The following TMPRSS15 variants were observed in gnomAD, a reference collection of about 807,000 sequenced individuals.
TMPRSS15 encodes transmembrane serine protease 15.
Under a neutral mutation model 125.3 loss-of-function variants are expected in TMPRSS15, and 128 were observed. The ratio of observed to expected loss-of-function variants is 1.02; its 90% CI spans 0.89 to 1.18. The LOEUF (loss-of-function observed/expected upper bound fraction) is 1.18, where lower values mean the gene tolerates loss of function less well. Ranked by LOEUF, TMPRSS15 falls within the 50% of genes most tolerant of loss-of-function variation. The pLI, the probability that TMPRSS15 is intolerant of heterozygous loss-of-function variation, is 0.00. For missense variants in TMPRSS15, 1,283 were observed against 1,212.7 expected (o/e 1.06, Z -0.86); for synonymous variants, 446 against 423.2 (o/e 1.05, Z -0.66).
chr21:18,447,425 G>C (rs2076257960), intron 1 of TMPRSS15, among the ~76,000 whole-genome samples: 1 of 97,620 alleles, frequency 1.0e-5, no homozygotes, highest in Non-Finnish European at 1.9e-5. Context: ...GGGCGACAGA[G>C]TAAGACTTCA....
intron 18 of TMPRSS15, among the ~76,000 whole-genome samples, chr21:18,303,072 G>T (rs1209424288): frequency 6.6e-6 from 1 of 152,048 alleles, no homozygotes; most frequent in African/African-American, 2.4e-5. Context: ...GGAACTGTTA[G>T]CATTTATCTT....
chr21:18,419,928 T>C (rs1339412562), intron 1 of TMPRSS15, among the ~76,000 whole-genome samples: 2 of 152,162 alleles, frequency 1.3e-5, no homozygotes, highest in East Asian at 3.9e-4. Flanking sequence ...TGAAGATATG[T>C]GAAGGAGAGT....
intron 10 of TMPRSS15, among the ~76,000 whole-genome samples, chr21:18,352,319 A>G (rs2075578088): frequency 6.6e-6 from 1 of 152,056 alleles, no homozygotes; most frequent in Non-Finnish European, 1.5e-5. Context: ...AGAAATCACA[A>G]CCTTGCCCTA....
chr21:18,377,330 G>GT (rs1043250992), intron 5 of TMPRSS15, among the ~76,000 whole-genome samples: 5 of 151,982 alleles, frequency 3.3e-5, no homozygotes, highest in Admixed American at 2.0e-4. Context: ...TAAATTTAGG[G>GT]TTTTTTATGA....
intron 1 of TMPRSS15, among the ~76,000 whole-genome samples, chr21:18,464,173 A>C (rs1978608764): frequency 9.6e-6 from 1 of 103,670 alleles, no homozygotes; most frequent in African/African-American, 7.3e-5. Context: ...ACTCCGTCTC[A>C]AAAAAAAAAA....
At chr21:18,414,498 C>T (rs927209505) in intron 1 of TMPRSS15, among the ~76,000 whole-genome samples, 7 of 152,150 alleles carry the variant, frequency 4.6e-5, no homozygotes, top group South Asian at 2.1e-4. Context: ...TTATACATAT[C>T]GAATTCTTCA....
Position 18,278,974 on chromosome 21 carries a change from A to T in TMPRSS15, c.2754T>A (p.Val918=). 6.5e-7 allele frequency: 1 copy of T among 1,531,332 alleles called. No individual in the cohort carries two copies. Among genetic ancestry groups the T allele is most frequent in the Non-Finnish European group, 8.9e-7 (1 of 1,119,464 alleles). The allele number at this position is 1,531,332 out of a possible 1,614,324, so 94.9% of individuals were successfully genotyped here. ...RNCSIAGWGT[V]VYQGTTANIL... is the part of the protein sequence containing the mutation. ...AGTCTGATAATTTACCTTGATATACAACCGTCCCCCAACCAGCAATAGAAC... is the reference window on the plus strand; with the variant it reads ...AGTCTGATAATTTACCTTGATATACTACCGTCCCCCAACCAGCAATAGAAC... The change falls in exon 23 of 25, where the codon GTT becomes GTA. Residue 918 remains valine, a synonymous_variant. Transcript: ENST00000284885.
At chr21:18,430,256 G>T (rs1384758103) in intron 1 of TMPRSS15, among the ~76,000 whole-genome samples, 1 of 152,128 alleles carries the variant, frequency 6.6e-6, no homozygotes, top group African/African-American at 2.4e-5. Flanking sequence ...CTTGAAGAAG[G>T]TTATATAGCA....
chr21:18,330,983 G>A (rs1435141317), intron 14 of TMPRSS15, among the ~76,000 whole-genome samples: 1 of 149,124 alleles, frequency 6.7e-6, no homozygotes, highest in East Asian at 2.0e-4. Flanking sequence ...CAAGGCAGGA[G>A]AATGGCGTGA....
intron 11 of TMPRSS15, 52 bp downstream of exon 11, chr21:18,343,903 G>T: frequency 1.3e-6 from 2 of 1,514,992 alleles, no homozygotes; most frequent in South Asian, 1.1e-5. Context: ...CCTGAGCAAG[G>T]CAATGTTACC....
At chr21:18,446,671 G>A (rs765658063) in intron 1 of TMPRSS15, among the ~76,000 whole-genome samples, 10 of 152,078 alleles carry the variant, frequency 6.6e-5, no homozygotes, top group Admixed American at 1.3e-4. Context: ...CAACAGGCAC[G>A]GAAAACACAC....
chr21:18,400,791 C>A (rs1366917271), intron 1 of TMPRSS15, among the ~76,000 whole-genome samples: 2 of 152,090 alleles, frequency 1.3e-5, no homozygotes, highest in Admixed American at 1.3e-4. Flanking sequence ...AGTCAACATA[C>A]AACCTATGGA....
At chr21:18,270,272 A>C in intron 24 of TMPRSS15, 148 bp from the exon 25 acceptor site, 1 of 627,868 alleles carries the variant, frequency 1.6e-6, no homozygotes, top group Non-Finnish European at 2.5e-6. Flanking sequence ...TCTCACTTTC[A>C]CTCTAAGTCA....
intron 1 of TMPRSS15, among the ~76,000 whole-genome samples, chr21:18,443,825 T>C (rs1013277395): frequency 2.6e-5 from 4 of 152,228 alleles, no homozygotes; most frequent in Non-Finnish European, 5.9e-5. Flanking sequence ...CAATGCTTTC[T>C]AGAGCTTCCA....
intron 6 of TMPRSS15, among the ~76,000 whole-genome samples, chr21:18,371,575 T>C (rs1019538762): frequency 4.6e-5 from 7 of 152,174 alleles, no homozygotes; most frequent in African/African-American, 1.7e-4. Context: ...ATAATGTTAT[T>C]GTCATTAACA....
chr21:18,419,220 C>CT (rs540004490), intron 1 of TMPRSS15, among the ~76,000 whole-genome samples: 11,172 of 108,532 alleles, frequency 0.1, 848 homozygotes, highest in East Asian at 0.27. Flanking sequence ...GACATTTCCT[C>CT]TTTTTTTTTT....
intron 21 of TMPRSS15, among the ~76,000 whole-genome samples, chr21:18,293,525 T>C (rs1057317319): frequency 4.6e-5 from 7 of 152,124 alleles, no homozygotes; most frequent in African/African-American, 9.7e-5. Context: ...TTCAGAACCA[T>C]GTGACTATCT....
chr21:18,348,176 CT>C lies in TMPRSS15; in HGVS notation c.1172-4117del, dbSNP rs1482043065. 2.4e-3 allele frequency among the ~76,000 whole-genome samples: 358 copies of C among 152,184 alleles called. 1 individual carries two copies. Among genetic ancestry groups the C allele is most frequent in the African/African-American group, 7.9e-3 (328 of 41,482 alleles). On this transcript the variant is annotated intron_variant, in intron 10 of 24. Transcript: ENST00000284885. ...CTCCAGTCTGGGAGACAGAGTGATC[CT>C]GTCTCTAAACAAATAAATAAGCCCC...
intron 10 of TMPRSS15, among the ~76,000 whole-genome samples, chr21:18,351,001 TAGTGTGATGA>T (rs2075563040): frequency 6.6e-6 from 1 of 152,028 alleles, no homozygotes; most frequent in African/African-American, 2.4e-5. Context: ...TAAGTTGAAA[TAGTGTGATGA>T]ACCATATTTT....
Sources: gnomAD v4.1 joint callset for allele counts (sites outside exome capture counted in the v4.1 genomes callset) on GRCh38, gnomAD v4.1.1 for gene constraint, MANE v1.5 for transcripts, NCBI Gene and HGNC (gene_info 2026-07-23, HGNC 2026-07-21) for gene names.